Variants in ALDH3B2 observed in about 807,000 individuals in gnomAD.
The protein encoded by ALDH3B2 is aldehyde dehydrogenase 3 family member B2.
ALDH3B2 carries 45 observed loss-of-function variants against 36.7 expected under a neutral mutation model. The ratio of observed to expected loss-of-function variants is 1.23; its 90% CI spans 0.97 to 1.57. The LOEUF (loss-of-function observed/expected upper bound fraction) is 1.57. Ranked by LOEUF, ALDH3B2 falls within the 40% of genes most tolerant of loss-of-function variation. ALDH3B2 has a pLI of 0.00. For synonymous variants in ALDH3B2, 217 were observed against 226.5 expected, an observed-to-expected ratio of 0.96 and a Z score of 0.38; for missense variants, 464 against 513.3, an observed-to-expected ratio of 0.90 and a Z score of 0.93.
rs1205748918 is a variant in ALDH3B2 at position 67,672,069 on chromosome 11, A to G, written c.-245+2368T>C. On this transcript the variant is annotated intron_variant, in intron 1 of 9. Coordinates refer to ENST00000349015, the Ensembl canonical transcript of ALDH3B2. ...TATATATATATATATATATATATAT[A>G]TATATATATATATATATATGTATGT... Among the ~76,000 whole-genome samples the G allele has an allele frequency of 8.3e-3, 692 of 83,158 alleles. 43 individuals are homozygous for G. Among genetic ancestry groups the G allele is most frequent in the African/African-American group, 0.031 (599 of 19,202 alleles). The allele number at this position is 83,158 out of a possible 152,430, so 54.6% of individuals were successfully genotyped here. A position where few individuals can be genotyped will look rare whatever the true frequency, so the allele number is the denominator to read the frequency against.
intron 1 of ALDH3B2, among the ~76,000 whole-genome samples, chr11:67,669,620 T>TC (rs1309130214): frequency 7.2e-6 from 1 of 139,604 alleles, no homozygotes; most frequent in Non-Finnish European, 1.6e-5. Context: ...TGTATGGGTG[T>TC]TATATGTGTA....
chr11:67,664,326 G>A, intron 8 of ALDH3B2, 70 bp downstream of exon 8: 1 of 1,603,822 alleles, frequency 6.2e-7, no homozygotes, highest in Non-Finnish European at 8.5e-7. Context: ...GGGAAGGGCT[G>A]TGAAAGGAAA....
intron 1 of ALDH3B2, among the ~76,000 whole-genome samples, chr11:67,668,714 T>C (rs944932936): frequency 6.7e-6 from 1 of 148,624 alleles, no homozygotes; most frequent in African/African-American, 2.5e-5. Flanking sequence ...TGTGTGTCTT[T>C]GTGTGTATGG....
At chr11:67,663,325 C>T (rs371403715) in exon 10 of ALDH3B2, 17 of 1,614,054 alleles carry the variant, frequency 1.1e-5, no homozygotes, top group South Asian at 2.2e-5. Context: ...CCGGAGGGGG[C>T]GAGCAGGCAG....
intron 1 of ALDH3B2, chr11:67,673,861 A>G (rs1404296513): frequency 6.6e-6 from 1 of 152,178 alleles, no homozygotes; most frequent in Non-Finnish European, 1.5e-5. Context: ...CCATGTGCCA[A>G]TGTGTGCCTC....
chr11:67,680,368 G>C (rs944049747), intron 1 of ALDH3B2, among the ~76,000 whole-genome samples: 2 of 149,600 alleles, frequency 1.3e-5, no homozygotes, highest in Non-Finnish European at 3.0e-5. Flanking sequence ...TTGGTGCCCT[G>C]ATGGAATAGA....
At position 67,672,097 on chromosome 11, in the gene ALDH3B2, G is replaced by GTATT. The variant is rs1279762487; in HGVS notation, c.-245+2336_-245+2339dup. Among the ~76,000 whole-genome samples the GTATT allele has an allele frequency of 8.8e-5, 7 of 79,544 alleles. 1 individual carries two copies. In the East Asian group the frequency reaches 2.6e-3, roughly 29 times the overall value. 52.2% of individuals were successfully genotyped at this position (79,544 alleles called of 152,430 possible). On this transcript the variant is annotated intron_variant, in intron 1 of 9. Coordinates refer to ENST00000349015, the Ensembl canonical transcript of ALDH3B2. Reference sequence around the variant, plus strand: ...TATATATATATATATATGTATGTATGTATTTTGTGTGTGTGTGTGTGTGTG... The same window carrying GTATT: ...TATATATATATATATATGTATGTATGTATTTATTTTGTGTGTGTGTGTGTGTGTG...
rs1565250151 is a variant in ALDH3B2, at chr11:67,672,103, TGTGTG to T, written c.-245+2329_-245+2333del. On this transcript the variant is annotated intron_variant, in intron 1 of 9. Transcript: ENST00000349015. Reference sequence around the variant, plus strand: ...TATATATATATGTATGTATGTATTTTGTGTGTGTGTGTGTGTGTGTGTGTGTGTGT... The same window carrying T: ...TATATATATATGTATGTATGTATTTTTGTGTGTGTGTGTGTGTGTGTGTGT... Among the ~76,000 whole-genome samples the T allele has an allele frequency of 5.2e-4, 4 of 7,650 alleles. 1 individual carries two copies. Among genetic ancestry groups the T allele is most frequent in the Non-Finnish European group, 1.0e-3 (4 of 3,964 alleles). The allele number at this position is 7,650 out of a possible 152,430, so 5.0% of individuals were successfully genotyped here. A position where few individuals can be genotyped will look rare whatever the true frequency, so the allele number is the denominator to read the frequency against.
At chr11:67,670,334 G>T (rs1856073035) in intron 1 of ALDH3B2, among the ~76,000 whole-genome samples, 1 of 151,378 alleles carries the variant, frequency 6.6e-6, no homozygotes, top group Non-Finnish European at 1.5e-5. Context: ...GTGTGTCTGT[G>T]TGTGTATGGG....
rs149181381 is a variant in ALDH3B2, at chr11:67,667,007, C to T, written c.-72G>A. On this transcript the variant is annotated 5_prime_UTR_variant, in exon 3 of 10. Coordinates refer to ENST00000349015, the Ensembl canonical transcript of ALDH3B2. ...AGGATGAGCTCAGATATGTCTGCCTCGAAAGCTGGCTGTGGTGGAGGTGGA... is the reference window on the plus strand; with the variant it reads ...AGGATGAGCTCAGATATGTCTGCCTTGAAAGCTGGCTGTGGTGGAGGTGGA... 6,613 of 1,588,832 alleles carry T rather than the reference C, an allele frequency of 4.2e-3. 26 individuals are homozygous for T. Among genetic ancestry groups the T allele is most frequent in the Non-Finnish European group, 5.0e-3 (5,834 of 1,157,412 alleles).
At chr11:67,665,652 C>A (rs1855886714) in exon 7 of ALDH3B2, 1 of 1,610,994 alleles carries the variant, frequency 6.2e-7, no homozygotes, top group African/African-American at 1.3e-5. Context: ...TCATGACAAT[C>A]TTGCCCACAC....
chr11:67,665,089 C>A (rs1234034639), intron 7 of ALDH3B2, among the ~76,000 whole-genome samples, 196 bp downstream of exon 7: 1 of 152,154 alleles, frequency 6.6e-6, no homozygotes, highest in Non-Finnish European at 1.5e-5. Context: ...GGCTGAGGGA[C>A]CAGAGTATGG....
At chr11:67,673,032 G>A (rs1440951045) in intron 1 of ALDH3B2, among the ~76,000 whole-genome samples, 4 of 147,690 alleles carry the variant, frequency 2.7e-5, no homozygotes, top group South Asian at 2.2e-4. Context: ...CCGGGTTCAC[G>A]TCATTCTCCT....
chr11:67,677,444 G>T (rs893101090), upstream of ALDH3B2, among the ~76,000 whole-genome samples: 1 of 151,954 alleles, frequency 6.6e-6, no homozygotes, highest in Non-Finnish European at 1.5e-5. Flanking sequence ...AGTATACAAG[G>T]GACATATCTT....
At chr11:67,680,962 G>T (rs1234703937) in intron 1 of ALDH3B2, among the ~76,000 whole-genome samples, 1 of 152,152 alleles carries the variant, frequency 6.6e-6, no homozygotes, top group Non-Finnish European at 1.5e-5. Context: ...GATATTGTTA[G>T]CTCAGATCCT....
chr11:67,674,146 G>A (rs778188244), intron 1 of ALDH3B2, among the ~76,000 whole-genome samples: 12 of 152,176 alleles, frequency 7.9e-5, no homozygotes, highest in Non-Finnish European at 1.6e-4. Flanking sequence ...AGGGAGGACG[G>A]GGTCTGTCCC....
intron 1 of ALDH3B2, among the ~76,000 whole-genome samples, chr11:67,680,167 A>G (rs908078079): frequency 1.3e-5 from 2 of 152,076 alleles, no homozygotes; most frequent in Non-Finnish European, 2.9e-5. Context: ...TACAAAAATT[A>G]GCCGGGCGTG....
chr11:67,663,232 T>C (rs1451479937), exon 10 of ALDH3B2: 3 of 1,610,826 alleles, frequency 1.9e-6, no homozygotes, highest in Non-Finnish European at 1.7e-6. Flanking sequence ...AGGGTGCAGC[T>C]CTGGGAGCCC....
At chr11:67,665,764 G>A in intron 6 of ALDH3B2, 93 bp from the exon 7 acceptor site, 3 of 1,504,538 alleles carry the variant, frequency 2.0e-6, no homozygotes, top group South Asian at 2.7e-5. Context: ...GAGAGGTGTT[G>A]GAGTCGGCGG....
Sources: gnomAD v4.1 joint callset for allele counts (sites outside exome capture counted in the v4.1 genomes callset) on GRCh38, gnomAD v4.1.1 for gene constraint, MANE v1.5 for transcripts, NCBI Gene and HGNC (gene_info 2026-07-23, HGNC 2026-07-21) for gene names.